Variants in CYP2A7 observed in about 807,000 individuals in gnomAD.
CYP2A7 encodes cytochrome P450 2A7.
In CYP2A7, 36 loss-of-function variants were observed where a neutral mutation model predicts 42.0. The ratio of observed to expected loss-of-function variants is 0.86; its 90% confidence interval spans 0.66 to 1.13. The LOEUF (loss-of-function observed/expected upper bound fraction) is 1.13. Among genes scored for constraint, CYP2A7 ranks in the 50% most tolerant of loss-of-function variants. The pLI, the probability that CYP2A7 is intolerant of heterozygous loss-of-function variation, is 0.00. For synonymous variants in CYP2A7, 260 were observed against 249.5 expected, an observed-to-expected ratio of 1.04 and a Z score of -0.40; for missense variants, 661 against 634.1, an observed-to-expected ratio of 1.04 and a Z score of -0.46.
chr19:40,878,792 A>C lies in CYP2A7; in HGVS notation c.799T>G (p.Phe267Val). ...RTLDPNSPQD[F>V]IDSFLIHMQE... The stretch of plus-strand genomic sequence containing the variant: ...ATGTGGATGAGAAAGGAGTCGATGA[A>C]GTCCTGTGGGGAATTGGGATCCAGC... Residue 267 changes from phenylalanine (F) to valine (V), a missense_variant, in exon 5 of 9, where the codon TTC becomes GTC. Phe to Val is a conservative substitution (Grantham distance 50). This residue lies in a region of CYP2A7 where 614 missense variants were observed against 552.4 expected (regional missense o/e 1.11). Coordinates refer to ENST00000301146, the MANE Select transcript of CYP2A7 (RefSeq NM_000764.3). 1 of 1,611,572 alleles carries C rather than the reference A, an allele frequency of 6.2e-7. No homozygotes were observed. The highest frequency in any genetic ancestry group is 1.7e-5 in the Admixed American group (1 of 59,886).
At chr19:40,878,050 T>C in intron 5 of CYP2A7, 57 bp from the exon 6 acceptor site, 1 of 1,551,630 alleles carries the variant, frequency 6.4e-7, no homozygotes, top group Non-Finnish European at 8.7e-7. Flanking sequence ...AGGGCCCTTC[T>C]AGGGCTTTTC....
In CYP2A7 at chr19:40,877,916, G is replaced by C; in HGVS notation, c.909C>G (p.Thr303=). ...AGCGCAGGGTGGTGCTGACCGTCTC[G>C]GTGCCTGCAATGAAGAGGTTCAACG... ...MSTLNLFIAG[T]ETVSTTLRYG... is the part of the protein sequence containing the mutation. The change falls in exon 6 of 9, where the codon ACC becomes ACG. Residue 303 remains threonine (T), a synonymous_variant. Transcript: ENST00000301146. 2 of 1,612,606 alleles carry C rather than the reference G, an allele frequency of 1.2e-6. No individual in the cohort carries two copies. Among genetic ancestry groups the C allele is most frequent in the South Asian group, 2.2e-5 (2 of 90,980 alleles).
intron 8 of CYP2A7, 89 bp from the exon 9 acceptor site, chr19:40,875,963 G>T (rs11083576): frequency 0.44 from 630,687 of 1,438,548 alleles, 108,445 homozygotes; most frequent in South Asian, 0.47. Context: ...GGCTCTCCCA[G>T]GGAGGAGGGG....
chr19:40,881,774 G>T (rs780935323), intron 1 of CYP2A7, 23 bp from the exon 2 acceptor site: 4 of 1,599,418 alleles, frequency 2.5e-6, no homozygotes, highest in African/African-American at 2.7e-5. Flanking sequence ...AGTGGGAGTG[G>T]TTAGAGGGAG....
At chr19:40,878,476 C>G (rs967057866) in intron 5 of CYP2A7, among the ~76,000 whole-genome samples, 2 of 151,738 alleles carry the variant, frequency 1.3e-5, no homozygotes, top group African/African-American at 4.8e-5. Context: ...ACCTCTGCCC[C>G]CCTTCGCGCC....
intron 8 of CYP2A7, 134 bp from the exon 9 acceptor site, chr19:40,876,008 G>A: frequency 4.2e-6 from 6 of 1,415,434 alleles, no homozygotes; most frequent in Non-Finnish European, 4.7e-6. Flanking sequence ...TTCAGAGGAG[G>A]CTCTGATCCT....
At chr19:40,880,832 A>C (rs1381091996) in intron 2 of CYP2A7, among the ~76,000 whole-genome samples, 19 of 102,922 alleles carry the variant, frequency 1.8e-4, no homozygotes, top group East Asian at 5.9e-4. Context: ...AGAGAGAGAG[A>C]GAGAGAGAGA....
intron 4 of CYP2A7, among the ~76,000 whole-genome samples, 189 bp downstream of exon 4, chr19:40,879,895 T>G (rs12975382): frequency 0.5 from 74,320 of 149,622 alleles, 19,268 homozygotes; most frequent in Admixed American, 0.61. Context: ...TTGGGGAGCA[T>G]CTGTTGAGCT....
At chr19:40,880,852 A>AGAGAGAGAGAGAGAGAGAG (rs1967662327) in intron 2 of CYP2A7, among the ~76,000 whole-genome samples, 1 of 128,766 alleles carries the variant, frequency 7.8e-6, no homozygotes, top group East Asian at 2.3e-4. Context: ...AGAGAGAGAG[A>AGAGAGAGAGAGAGAGAGAG]GAGAGAGAGA....
At chr19:40,877,032 A>G in intron 7 of CYP2A7, 158 bp downstream of exon 7, 3 of 808,154 alleles carry the variant, frequency 3.7e-6, no homozygotes, top group Middle Eastern at 2.5e-4. Context: ...AGGAGTGTCT[A>G]AGTGGAAAGG....
rs189452135 is a variant in CYP2A7, at chr19:40,876,466, T to A, written c.1303+61A>T. On this transcript the variant is annotated intron_variant, in intron 8 of 8. Coordinates refer to ENST00000301146, the MANE Select transcript of CYP2A7 (RefSeq NM_000764.3). ...CAGGCTACACCGCAGAGAGGGGAGGTGGGTGAGGGAGGCGCCTGCTGGTGT... is the reference window on the plus strand; with the variant it reads ...CAGGCTACACCGCAGAGAGGGGAGGAGGGTGAGGGAGGCGCCTGCTGGTGT... 95 of 1,606,226 alleles carry A rather than the reference T, an allele frequency of 5.9e-5. 3 individuals are homozygous for A. The highest frequency in any genetic ancestry group is 4.0e-4 in the South Asian group (36 of 90,698).
chr19:40,875,515 G>C lies in CYP2A7; in HGVS notation c.*178C>G. The C allele has an allele frequency of 1.4e-6, 1 of 695,550 alleles. No individual in the cohort carries two copies. Among genetic ancestry groups the C allele is most frequent in the Admixed American group, 2.9e-5 (1 of 33,910 alleles). The allele number at this position is 695,550 out of a possible 1,614,324, so 43.1% of individuals were successfully genotyped here. A position where few individuals can be genotyped will look rare whatever the true frequency, so the allele number is the denominator to read the frequency against. ...TTTCCCTTCCTCTCATCCCAGCTCG[G>C]AAGCACCTTATCAAGGTGAACTGAG... On this transcript the variant is annotated 3_prime_UTR_variant, in exon 9 of 9. Coordinates refer to ENST00000301146, the MANE Select transcript of CYP2A7 (RefSeq NM_000764.3).
At chr19:40,879,085 C>A (rs1480007505) in intron 4 of CYP2A7, 149 bp from the exon 5 acceptor site, 3 of 1,261,226 alleles carry the variant, frequency 2.4e-6, no homozygotes, top group East Asian at 2.5e-5. Context: ...CGGATAGGAA[C>A]TTATATCTAA....
At position 40,880,486 on chromosome 19, in the gene CYP2A7, G is replaced by C. The variant is rs759854971; in HGVS notation, c.486C>G (p.Ser162Arg). Reference sequence around the variant, plus strand: ...TCGGGGAACCTTACTCACCGTGCGTGCTCCGGATGGCCTCGATGAGGAAGC... The same window carrying C: ...TCGGGGAACCTTACTCACCGTGCGTCCTCCGGATGGCCTCGATGAGGAAGC... ...ESGFLIEAIR[S>R]THGANIDPTF... is the part of the protein sequence containing the mutation. Residue 162 changes from serine to arginine, a missense_variant, in exon 3 of 9, where the codon AGC becomes AGG. Ser to Arg is a moderately radical substitution (Grantham distance 110). Coordinates refer to ENST00000301146, the MANE Select transcript of CYP2A7 (RefSeq NM_000764.3). 12 of 1,612,464 alleles carry C rather than the reference G, an allele frequency of 7.4e-6. No individual in the cohort carries two copies. The East Asian group carries it at 2.5e-4, about 33-fold the overall frequency.
intron 4 of CYP2A7, among the ~76,000 whole-genome samples, chr19:40,879,603 C>T (rs3865456): frequency 0.028 from 4,249 of 151,526 alleles, 170 homozygotes; most frequent in Non-Finnish European, 0.042. Context: ...TGTTTTCAGG[C>T]ATTTAAGTGG....
In CYP2A7 at chr19:40,877,377, G is replaced by T. The variant is rs746139704; in HGVS notation, c.974C>A (p.Ala325Asp). Residue 325 changes from alanine (A) to aspartate (D), a missense_variant and splice_region_variant, in exon 7 of 9, where the codon GCC becomes GAC. Ala to Asp is a moderately radical substitution (Grantham distance 126). This residue lies in a region of CYP2A7 where 614 missense variants were observed against 552.4 expected (regional missense o/e 1.11). Coordinates refer to ENST00000301146, the MANE Select transcript of CYP2A7 (RefSeq NM_000764.3). ...LLLMKHPEVE[A>D]KVHEEIDRVI... Reference sequence around the variant, plus strand: ...TCTGTCAATCTCCTCATGGACCTTGGCTGGGGGAGGAGGGGGAATGTGTTT... The same window carrying T: ...TCTGTCAATCTCCTCATGGACCTTGTCTGGGGGAGGAGGGGGAATGTGTTT... The T allele has an allele frequency of 6.2e-7, 1 of 1,611,234 alleles. No individual in the cohort carries two copies. Among genetic ancestry groups the T allele is most frequent in the Non-Finnish European group, 8.5e-7 (1 of 1,178,002 alleles).
At chr19:40,878,527 G>A (rs1967587419) in intron 5 of CYP2A7, among the ~76,000 whole-genome samples, 6 of 151,808 alleles carry the variant, frequency 4.0e-5, no homozygotes, top group Admixed American at 3.9e-4. Context: ...TAGAGACAGG[G>A]TTTGACCATG....
At chr19:40,876,137 G>A (rs1425655405) in intron 8 of CYP2A7, among the ~76,000 whole-genome samples, 2 of 151,842 alleles carry the variant, frequency 1.3e-5, no homozygotes, top group Admixed American at 1.3e-4. Context: ...ACAGTTCTAT[G>A]GGTTTTGAAA....
At position 40,880,538 on chromosome 19, in the gene CYP2A7, A is replaced by G; in HGVS notation, c.434T>C (p.Ile145Thr). 1 of 1,611,964 alleles carries G rather than the reference A, an allele frequency of 6.2e-7. No individual in the cohort carries two copies. The highest frequency in any genetic ancestry group is 8.5e-7 in the Non-Finnish European group (1 of 1,178,814). ...LRDFGVGKRG[I>T]EERIQEESGF... Reference sequence around the variant, plus strand: ...CGACTCCTCCTGGATGCGCTCCTCGATGCCTCGCTTGCCCACCCCGAAGTC... The same window carrying G: ...CGACTCCTCCTGGATGCGCTCCTCGGTGCCTCGCTTGCCCACCCCGAAGTC... The change falls in exon 3 of 9, where the codon ATC becomes ACC. Residue 145 changes from isoleucine (I) to threonine (T), a missense_variant. By Grantham distance (89) the Ile-to-Thr change is moderately conservative (BLOSUM62 -1). Around this residue, in one of 3 missense-constraint regions of CYP2A7, gnomAD observed 614 missense variants for 552.4 expected, o/e 1.11. Coordinates refer to ENST00000301146, the MANE Select transcript of CYP2A7 (RefSeq NM_000764.3).
Sources: gnomAD v4.1 joint callset for allele counts (sites outside exome capture counted in the v4.1 genomes callset) on GRCh38, gnomAD v4.1.1 for gene constraint, gnomAD v4.1.1 regional missense constraint, MANE v1.5 for transcripts, NCBI Gene and HGNC (gene_info 2026-07-23, HGNC 2026-07-21) for gene names.